SLC35F3: variants seen among roughly 807,000 people sequenced by gnomAD.
SLC35F3 encodes the protein solute carrier family 35 member F3.
A neutral mutation model predicts 49.9 loss-of-function variants in SLC35F3; 25 were observed. That is an observed-to-expected ratio of 0.50 (90% CI 0.37 to 0.70). The LOEUF is 0.70. Among genes scored for constraint, SLC35F3 ranks in the 30% least tolerant of loss-of-function variants. The probability of loss-of-function intolerance (pLI) is 0.00; values close to 1 mark genes in which losing one functional copy is unlikely to be tolerated. For synonymous variants in SLC35F3, 275 were observed against 265.4 expected, an observed-to-expected ratio of 1.04 and a Z score of -0.35; for missense variants, 525 against 639.8, an observed-to-expected ratio of 0.82 and a Z score of 1.94.
intron 3 of SLC35F3, chr1:234,285,416 C>T (rs1479988649): frequency 1.8e-5 from 8 of 453,540 alleles, no homozygotes; most frequent in Non-Finnish European, 3.1e-5. Flanking sequence ...AAGAAAATGA[C>T]GTTGAGCTTG....
In SLC35F3 at chr1:234,047,666, A is replaced by G. The variant is rs1327072790; in HGVS notation, c.283+141908A>G. ...TAATCATGTGAGTCAATTTCTTATA[A>G]GAAATCATACACATACACACACACA... is the stretch of plus-strand genomic sequence containing the variant. On this transcript the variant is annotated intron_variant, in intron 2 of 7. Transcript: ENST00000366618. 4.6e-5 allele frequency among the ~76,000 whole-genome samples: 7 copies of G among 150,544 alleles called. No individual in the cohort carries two copies. The South Asian group carries it at 1.5e-3, about 31-fold the overall frequency.
At chr1:234,250,481 C>T (rs1489663730) in intron 3 of SLC35F3, among the ~76,000 whole-genome samples, 2 of 151,586 alleles carry the variant, frequency 1.3e-5, no homozygotes, top group East Asian at 3.9e-4. Flanking sequence ...GGTGAAACCC[C>T]GTCTCTACTA....
intron 2 of SLC35F3, among the ~76,000 whole-genome samples, chr1:234,195,735 G>A (rs1477718996): frequency 6.6e-6 from 1 of 152,124 alleles, no homozygotes; most frequent in African/African-American, 2.4e-5. Context: ...GTCTTGAATT[G>A]CAGCTCCCAT....
chr1:234,021,680 A>G (rs1663898290), intron 2 of SLC35F3, among the ~76,000 whole-genome samples: 1 of 152,200 alleles, frequency 6.6e-6, no homozygotes. Flanking sequence ...GAAAGAGCTT[A>G]AGGACTTTCA....
chr1:234,260,062 G>A (rs564176980), intron 3 of SLC35F3, among the ~76,000 whole-genome samples: 2 of 151,734 alleles, frequency 1.3e-5, no homozygotes, highest in Non-Finnish European at 2.9e-5. Flanking sequence ...TAACTTCTAC[G>A]GCAAAAAAAA....
chr1:234,031,156 A>G (rs1190551783), intron 2 of SLC35F3, among the ~76,000 whole-genome samples: 3 of 152,152 alleles, frequency 2.0e-5, no homozygotes, highest in Non-Finnish European at 4.4e-5. Context: ...GCTCCAGATG[A>G]GCTCTTTCTG....
chr1:234,169,227 C>A (rs1572078948), intron 2 of SLC35F3, among the ~76,000 whole-genome samples: 1 of 152,094 alleles, frequency 6.6e-6, no homozygotes, highest in Non-Finnish European at 1.5e-5. Context: ...GGCAGATCTT[C>A]TTTACTCAGC....
intron 2 of SLC35F3, among the ~76,000 whole-genome samples, chr1:233,999,401 CTT>C (rs1418631767): frequency 5.3e-5 from 8 of 152,276 alleles, no homozygotes; most frequent in African/African-American, 1.7e-4. Flanking sequence ...AAGCACCACT[CTT>C]ATCCTATTTC....
intron 2 of SLC35F3, among the ~76,000 whole-genome samples, chr1:234,038,282 AG>A (rs1216282567): frequency 2.6e-5 from 4 of 151,294 alleles, no homozygotes; most frequent in Admixed American, 1.3e-4. Context: ...GTCCCTACAA[AG>A]GACATGAACT....
intron 3 of SLC35F3, among the ~76,000 whole-genome samples, chr1:234,299,577 G>A (rs547281365): frequency 2.0e-5 from 3 of 151,990 alleles, no homozygotes; most frequent in South Asian, 2.1e-4. Flanking sequence ...AGGCCAAGAC[G>A]GGCAGATCAT....
rs560773654 is a variant in SLC35F3, at chr1:234,262,185, A to G, written c.608+30444A>G. Among the ~76,000 whole-genome samples, 4 of 152,330 alleles carry G rather than the reference A, an allele frequency of 2.6e-5. No individual in the cohort carries two copies. The South Asian group carries it at 8.3e-4, about 32-fold the overall frequency. On this transcript the variant is annotated intron_variant, in intron 3 of 7. Coordinates refer to ENST00000366618, the MANE Select transcript of SLC35F3 (RefSeq NM_173508.4). ...ACAAAGGGGAGGGAGTTACTTTAGGAAAGGGAGAAAGAGTGTGAAGCAATG... is the reference window on the plus strand; with the variant it reads ...ACAAAGGGGAGGGAGTTACTTTAGGGAAGGGAGAAAGAGTGTGAAGCAATG...
chr1:234,215,308 G>A (rs1558262884), intron 2 of SLC35F3, among the ~76,000 whole-genome samples: 1 of 152,210 alleles, frequency 6.6e-6, no homozygotes, highest in Admixed American at 6.5e-5. Flanking sequence ...AGGGGAAGAA[G>A]CAGCCCACCG....
At position 234,046,425 on chromosome 1, in the gene SLC35F3, TG is replaced by T. The variant is rs1231176860; in HGVS notation, c.283+140668del. On this transcript the variant is annotated intron_variant, in intron 2 of 7. Coordinates refer to ENST00000366618, the MANE Select transcript of SLC35F3 (RefSeq NM_173508.4). This position sits in a 1 kb window ranked among gnomAD's most constrained non-coding sequence, Gnocchi z 4.4. ...TCAAGTGTCCTCTTCACTAAATTGCTGCTCATTGTGTTCACTAACTTTTCAA... is the reference window on the plus strand; with the variant it reads ...TCAAGTGTCCTCTTCACTAAATTGCTCTCATTGTGTTCACTAACTTTTCAA... 6.6e-6 allele frequency among the ~76,000 whole-genome samples: 1 copy of T among 152,202 alleles called. No homozygotes were observed. Among genetic ancestry groups the T allele is most frequent in the African/African-American group, 2.4e-5 (1 of 41,460 alleles).
chr1:234,000,577 A>G (rs1047457569), intron 2 of SLC35F3, among the ~76,000 whole-genome samples: 1 of 152,206 alleles, frequency 6.6e-6, no homozygotes, highest in African/African-American at 2.4e-5. Context: ...AAGCAGTGCT[A>G]CTGATTTCTG....
intron 2 of SLC35F3, among the ~76,000 whole-genome samples, chr1:234,008,058 C>T (rs1008176272): frequency 5.9e-5 from 9 of 152,192 alleles, no homozygotes; most frequent in Admixed American, 3.9e-4. Context: ...GTCCTAGGAA[C>T]GGATTCCTTG....
At chr1:233,922,780 G>C (rs1662087182) in intron 2 of SLC35F3, among the ~76,000 whole-genome samples, 1 of 152,044 alleles carries the variant, frequency 6.6e-6, no homozygotes, top group African/African-American at 2.4e-5. Context: ...TATGGTTTTA[G>C]GTCTAACATT....
intron 2 of SLC35F3, among the ~76,000 whole-genome samples, chr1:234,225,703 A>G (rs987644534): frequency 1.3e-5 from 2 of 152,252 alleles, no homozygotes; most frequent in East Asian, 1.9e-4. Flanking sequence ...AGAAATAAAT[A>G]TATATCCACA....
chr1:234,259,695 T>C (rs1035060096), intron 3 of SLC35F3, among the ~76,000 whole-genome samples: 10 of 151,404 alleles, frequency 6.6e-5, no homozygotes, highest in Non-Finnish European at 1.0e-4. Flanking sequence ...ATGATAATAA[T>C]AATAATAATA....
Position 234,013,137 on chromosome 1 carries a change from T to G in SLC35F3, c.283+107379T>G, listed in dbSNP as rs369927157. 2.0e-5 allele frequency among the ~76,000 whole-genome samples: 3 copies of G among 152,200 alleles called. No individual in the cohort carries two copies. In the South Asian group the frequency reaches 6.2e-4, roughly 32 times the overall value. On this transcript the variant is annotated intron_variant, in intron 2 of 7. Transcript: ENST00000366618. The stretch of plus-strand genomic sequence containing the variant: ...GGATTCAAATTGTATCAGATATCTT[T>G]TCTGATCACAGTAGTATCAAACTAG...
Sources: allele counts gnomAD v4.1 joint callset (sites outside exome capture counted in the v4.1 genomes callset), GRCh38; gene constraint gnomAD v4.1.1; non-coding constraint Gnocchi (gnomAD v3.1); transcripts MANE v1.5; gene names NCBI Gene and HGNC (gene_info 2026-07-23, HGNC 2026-07-21).